Variants in DEPDC5 observed in about 807,000 individuals in gnomAD.
The protein encoded by DEPDC5 is GATOR1 complex protein DEPDC5.
Under a neutral mutation model 217.3 loss-of-function variants are expected in DEPDC5, and 73 were observed. The ratio of observed to expected loss-of-function variants is 0.34; its 90% CI spans 0.28 to 0.41. The LOEUF (loss-of-function observed/expected upper bound fraction) is 0.41, where lower values mean the gene tolerates loss of function less well. Ranked by LOEUF, DEPDC5 falls within the 10% of genes least tolerant of loss-of-function variation. The pLI is 1.00. For missense variants in DEPDC5, 1,675 were observed against 2,070.1 expected (o/e 0.81, Z 3.70); for synonymous variants, 733 against 756.7 (o/e 0.97, Z 0.51).
chr22:31,760,915 A>G (rs1489412705), intron 4 of DEPDC5, among the ~76,000 whole-genome samples: 2 of 152,076 alleles, frequency 1.3e-5, no homozygotes, highest in African/African-American at 4.8e-5. Context: ...TGTATCCATT[A>G]CACAGTGAAC....
intron 26 of DEPDC5, 144 bp from the exon 27 acceptor site, chr22:31,838,541 A>G (rs2091191474): frequency 9.1e-7 from 1 of 1,093,362 alleles, no homozygotes; most frequent in Non-Finnish European, 1.3e-6. Flanking sequence ...ATGAGCCACC[A>G]TGCCCAGCTC....
At chr22:31,860,808 GCTGCC>G (rs1323436107) in intron 32 of DEPDC5, among the ~76,000 whole-genome samples, 7 of 128,894 alleles carry the variant, frequency 5.4e-5, no homozygotes, top group Non-Finnish European at 9.5e-5. Context: ...CTCCCATCTG[GCTGCC>G]CATGTTTAGT....
At chr22:31,809,140 C>T (rs2087935628) in intron 18 of DEPDC5, among the ~76,000 whole-genome samples, 1 of 151,720 alleles carries the variant, frequency 6.6e-6, no homozygotes, top group Non-Finnish European at 1.5e-5. Context: ...AGTTTTTTTT[C>T]CTCTACCCTT....
At chr22:31,843,602 C>T (rs776225564) in intron 28 of DEPDC5, 43 bp from the exon 29 acceptor site, 111 of 1,572,512 alleles carry the variant, frequency 7.1e-5, no homozygotes, top group Non-Finnish European at 9.0e-5. Context: ...AGGAATTTGT[C>T]TCTAACTCTT....
In DEPDC5 at chr22:31,764,838, T is replaced by C. The variant is rs960349985; in HGVS notation, c.194-137T>C. The C allele has an allele frequency of 6.6e-6, 4 of 603,772 alleles. No homozygotes were observed. The African/African-American group carries it at 7.4e-5, about 11-fold the overall frequency. 37.4% of individuals were successfully genotyped at this position (603,772 alleles called of 1,614,324 possible). ...GAGAATTGTTTAAATTCTAAGCTCC[T>C]GAAAGGAAGAGACTGTGTGTTGCCC... On this transcript the variant is annotated intron_variant, in intron 4 of 42. Transcript: ENST00000651528.
At chr22:31,856,777 G>T (rs186707129) in intron 31 of DEPDC5, among the ~76,000 whole-genome samples, 2 of 143,906 alleles carry the variant, frequency 1.4e-5, no homozygotes, top group Non-Finnish European at 3.0e-5. Context: ...GCAGTTTTTT[G>T]TTTGTTTGTT....
intron 7 of DEPDC5, among the ~76,000 whole-genome samples, chr22:31,776,762 AG>A (rs2083901597): frequency 6.6e-6 from 1 of 151,204 alleles, no homozygotes; most frequent in African/African-American, 2.4e-5. Flanking sequence ...TTTAGTAGAG[AG>A]GGGGTTTCAC....
chr22:31,874,540 C>T (rs545006110), intron 36 of DEPDC5, 135 bp downstream of exon 36: 834 of 1,088,788 alleles, frequency 7.7e-4, no homozygotes, highest in Non-Finnish European at 1.0e-3. Context: ...AAGTGGGAGG[C>T]CTTTCTGGAA....
chr22:31,870,296 C>A (rs758755285), intron 33 of DEPDC5, among the ~76,000 whole-genome samples: 15 of 151,986 alleles, frequency 9.9e-5, no homozygotes, highest in Non-Finnish European at 1.8e-4. Flanking sequence ...TTTCTTTGGT[C>A]CTGGGGATTT....
chr22:31,798,652 C>A lies in DEPDC5; in HGVS notation c.942C>A (p.Phe314Leu). 6.2e-7 allele frequency: 1 copy of A among 1,611,006 alleles called. No homozygotes were observed. The highest frequency in any genetic ancestry group is 1.1e-5 in the South Asian group (1 of 90,926). ...GNYLEAINLS[F>L]NVFDKHYINR... ...ACCTGGAGGCCATCAATCTGTCATT[C>A]AATGGTGAGTAAGGATGCCGGCCAT... Residue 314 changes from phenylalanine to leucine, a missense_variant, in exon 14 of 43, where the codon TTC becomes TTA. Phe to Leu is a conservative substitution (Grantham distance 22). This residue lies in a region of DEPDC5 where 628 missense variants were observed against 762.1 expected (regional missense o/e 0.82). Transcript: ENST00000651528.
At chr22:31,887,083 GAA>G (rs552759243) in intron 38 of DEPDC5, among the ~76,000 whole-genome samples, 6 of 99,956 alleles carry the variant, frequency 6.0e-5, no homozygotes, top group South Asian at 3.0e-4. Context: ...ATTCCATCTC[GAA>G]AAAAAAAAAA....
At position 31,879,655 on chromosome 22, in the gene DEPDC5, C is replaced by G; in HGVS notation, c.3936C>G (p.Leu1312=). ...ELVHSEIPAF[L]LPWLPSRPAS... ...TGCACTCTGAGATTCCTGCCTTTCT[C>G]CTGCCCTGGCTGCCTAGCCGGCCAG... is the stretch of plus-strand genomic sequence containing the variant. Residue 1312 remains leucine (L), a synonymous_variant, in exon 38 of 43, where the codon CTC becomes CTG. Coordinates refer to ENST00000651528, the MANE Select transcript of DEPDC5 (RefSeq NM_001242896.3). The G allele has an allele frequency of 6.2e-7, 1 of 1,614,140 alleles. No individual in the cohort carries two copies. Among genetic ancestry groups the G allele is most frequent in the South Asian group, 1.1e-5 (1 of 91,088 alleles).
At chr22:31,895,893 A>T (rs1223860516) in intron 39 of DEPDC5, among the ~76,000 whole-genome samples, 1 of 151,940 alleles carries the variant, frequency 6.6e-6, no homozygotes, top group East Asian at 1.9e-4. Flanking sequence ...CATTCTGCTC[A>T]GCTCACAGAG....
chr22:31,781,231 A>G (rs2084404362), intron 8 of DEPDC5, among the ~76,000 whole-genome samples: 1 of 148,016 alleles, frequency 6.8e-6, no homozygotes, highest in Non-Finnish European at 1.5e-5. Context: ...ACAAACAAAC[A>G]AACAAAAAAA....
chr22:31,889,569 A>G (rs574341408), intron 38 of DEPDC5, among the ~76,000 whole-genome samples: 149 of 109,038 alleles, frequency 1.4e-3, no homozygotes, highest in Middle Eastern at 5.2e-3. Flanking sequence ...TTTTTTTTCC[A>G]GACAGAGTCT....
intron 31 of DEPDC5, 62 bp downstream of exon 31, chr22:31,847,029 C>T (rs2091776572): frequency 6.2e-7 from 1 of 1,604,942 alleles, no homozygotes; most frequent in Non-Finnish European, 8.5e-7. Context: ...TTTTCAGTGC[C>T]CTGTTCCCTT....
At chr22:31,888,246 T>TA (rs1255241647) in intron 38 of DEPDC5, among the ~76,000 whole-genome samples, 1 of 137,218 alleles carries the variant, frequency 7.3e-6, no homozygotes, top group African/African-American at 2.7e-5. Flanking sequence ...TGTGGTTTTT[T>TA]TTTTTTTTTT....
intron 27 of DEPDC5, 71 bp downstream of exon 27, chr22:31,838,916 G>A (rs974726779): frequency 1.4e-6 from 2 of 1,477,978 alleles, no homozygotes; most frequent in Non-Finnish European, 1.8e-6. Context: ...TTTCAAGATG[G>A]TAGGTAGTAG....
rs767822768 is a variant in DEPDC5 at position 31,897,705 on chromosome 22, T to C, written c.4375+52T>C. 1.7e-4 allele frequency: 268 copies of C among 1,590,694 alleles called. 2 individuals carry two copies. The highest frequency in any genetic ancestry group is 1.7e-4 in the Admixed American group (10 of 58,708). ...GTCTCAACCAGTAAGACCCCGTCCC[T>C]AACAAGGACACCACTCTGGGTATCC... On this transcript the variant is annotated intron_variant, in intron 40 of 42. Transcript: ENST00000651528.
Sources: gnomAD v4.1 joint callset for allele counts (sites outside exome capture counted in the v4.1 genomes callset) on GRCh38, gnomAD v4.1.1 for gene constraint, gnomAD v4.1.1 regional missense constraint, MANE v1.5 for transcripts, NCBI Gene and HGNC (gene_info 2026-07-23, HGNC 2026-07-21) for gene names.